The following CTNNA2 variants were observed in gnomAD, a reference collection of about 807,000 sequenced individuals.
CTNNA2 encodes catenin alpha 2, also known as catenin alpha-2.
A neutral mutation model predicts 101.0 loss-of-function variants in CTNNA2; 42 were observed. The ratio of observed to expected loss-of-function variants is 0.42; its 90% CI spans 0.32 to 0.54. The LOEUF is 0.54. Among genes scored for constraint, CTNNA2 ranks in the 20% least tolerant of loss-of-function variants. The probability of loss-of-function intolerance (pLI) is 0.14; values close to 1 mark genes in which losing one functional copy is unlikely to be tolerated. For synonymous variants in CTNNA2, 450 were observed against 456.4 expected (o/e 0.99, Z 0.18); for missense variants, 871 against 1,223.1 (o/e 0.71, Z 4.29).
In CTNNA2 at chr2:79,611,236, A is replaced by C. The variant is rs10205748; in HGVS notation, c.-5-40316A>C. On this transcript the variant is annotated intron_variant, in intron 1 of 18. Transcript: ENST00000402739. Reference sequence around the variant, plus strand: ...TATTTCTGAAATATTTTTCTTTAAAATGTTTAAAATGAATTTGGCACGCTT... The same window carrying C: ...TATTTCTGAAATATTTTTCTTTAAACTGTTTAAAATGAATTTGGCACGCTT... Among the ~76,000 whole-genome samples, 222 of 152,290 alleles carry C rather than the reference A, an allele frequency of 1.5e-3. 3 individuals carry two copies. Among genetic ancestry groups the C allele is most frequent in the African/African-American group, 5.0e-3 (208 of 41,574 alleles).
At chr2:79,690,607 A>G (rs1684225967) in intron 2 of CTNNA2, among the ~76,000 whole-genome samples, 1 of 151,942 alleles carries the variant, frequency 6.6e-6, no homozygotes, top group Non-Finnish European at 1.5e-5. Context: ...ATACGTGTGC[A>G]TGTGTCTTTA....
At chr2:79,901,020 A>G (rs935804306) in intron 6 of CTNNA2, among the ~76,000 whole-genome samples, 1 of 152,238 alleles carries the variant, frequency 6.6e-6, no homozygotes, top group Non-Finnish European at 1.5e-5. Flanking sequence ...TACAAAAGAC[A>G]GAAAGTGAAG....
chr2:80,325,024 C>T (rs116644535), intron 7 of CTNNA2, among the ~76,000 whole-genome samples: 160 of 152,310 alleles, frequency 1.1e-3, no homozygotes, highest in African/African-American at 3.7e-3. Context: ...ATTTCTCTCT[C>T]TTCCCCACTA....
chr2:79,932,931 G>A (rs1047957206), intron 7 of CTNNA2, among the ~76,000 whole-genome samples: 7 of 152,142 alleles, frequency 4.6e-5, no homozygotes, highest in African/African-American at 7.2e-5. Context: ...TGATCCTGTT[G>A]ATCCCTGTGA....
At chr2:79,213,587 G>A (rs1674205559) in intron 2 of CTNNA2, among the ~76,000 whole-genome samples, 2 of 152,096 alleles carry the variant, frequency 1.3e-5, no homozygotes, top group Non-Finnish European at 2.9e-5. Flanking sequence ...TGGTGGAACC[G>A]CCATCAATAA....
chr2:80,247,163 G>A (rs562780577), intron 7 of CTNNA2, among the ~76,000 whole-genome samples: 1 of 152,220 alleles, frequency 6.6e-6, no homozygotes, highest in African/African-American at 2.4e-5. Context: ...GATGACATTC[G>A]AAAGCTCTTC....
At chr2:79,381,770 C>G (rs898046318) in intron 4 of CTNNA2, among the ~76,000 whole-genome samples, 2 of 152,162 alleles carry the variant, frequency 1.3e-5, no homozygotes, top group African/African-American at 4.8e-5. Context: ...GATTGCTCAA[C>G]AAGCATCTCT....
chr2:80,531,038 T>C (rs1451683411), intron 9 of CTNNA2, among the ~76,000 whole-genome samples: 1 of 152,126 alleles, frequency 6.6e-6, no homozygotes, highest in African/African-American at 2.4e-5. Flanking sequence ...CATGAGGCAA[T>C]GCAGGTAATA....
At chr2:80,612,612 A>G (rs971677369) in intron 17 of CTNNA2, among the ~76,000 whole-genome samples, 14 of 151,570 alleles carry the variant, frequency 9.2e-5, no homozygotes, top group African/African-American at 3.4e-4. Flanking sequence ...TGAGATGAGA[A>G]TTACATTGTA....
chr2:80,538,623 T>C (rs1691256149), intron 9 of CTNNA2, among the ~76,000 whole-genome samples: 1 of 152,248 alleles, frequency 6.6e-6, no homozygotes, highest in South Asian at 2.1e-4. Context: ...TTTTGGTTAC[T>C]GTAACCTTGT....
At chr2:79,817,691 C>T (rs990074303) in intron 3 of CTNNA2, among the ~76,000 whole-genome samples, 12 of 152,234 alleles carry the variant, frequency 7.9e-5, no homozygotes, top group Non-Finnish European at 1.3e-4. Context: ...ATCGAGAACA[C>T]GAGAGTTGTG....
intron 9 of CTNNA2, among the ~76,000 whole-genome samples, chr2:80,507,763 C>G (rs1282532312): frequency 1.3e-5 from 2 of 152,128 alleles, no homozygotes; most frequent in Non-Finnish European, 2.9e-5. Context: ...TTACCATGCT[C>G]AATCTATTAT....
intron 7 of CTNNA2, among the ~76,000 whole-genome samples, chr2:80,263,466 A>G (rs1672769295): frequency 6.6e-6 from 1 of 151,958 alleles, no homozygotes. Context: ...TCTCGAGTAG[A>G]TGGGATTACA....
chr2:79,874,392 A>C, intron 6 of CTNNA2, 50 bp downstream of exon 6: 1 of 1,565,060 alleles, frequency 6.4e-7, no homozygotes, highest in Admixed American at 1.9e-5. Flanking sequence ...GTGTTGACAA[A>C]AAAAAAAAAT....
chr2:79,315,275 T>C (rs947188351), intron 3 of CTNNA2, among the ~76,000 whole-genome samples: 1 of 152,230 alleles, frequency 6.6e-6, no homozygotes, highest in Non-Finnish European at 1.5e-5. Flanking sequence ...TTACAACTTA[T>C]TCATTTAAAG....
At chr2:80,224,578 G>A (rs989413681) in intron 7 of CTNNA2, among the ~76,000 whole-genome samples, 1 of 152,028 alleles carries the variant, frequency 6.6e-6, no homozygotes, top group African/African-American at 2.4e-5. Flanking sequence ...CCAAGTAGCT[G>A]GGATTACATG....
At chr2:79,217,246 G>T (rs752594049) in intron 2 of CTNNA2, among the ~76,000 whole-genome samples, 1 of 152,190 alleles carries the variant, frequency 6.6e-6, no homozygotes, top group Non-Finnish European at 1.5e-5. Context: ...GGAGCAAAGA[G>T]CAGGAGGACA....
chr2:79,942,561 T>G (rs934772773), intron 7 of CTNNA2, among the ~76,000 whole-genome samples: 3 of 152,292 alleles, frequency 2.0e-5, no homozygotes, highest in African/African-American at 7.2e-5. Context: ...GGCCAGGTAC[T>G]CTGATGGTAG....
At chr2:80,350,912 A>C (rs897807605) in intron 7 of CTNNA2, among the ~76,000 whole-genome samples, 2 of 151,990 alleles carry the variant, frequency 1.3e-5, no homozygotes, top group South Asian at 2.1e-4. Context: ...TTTAGTAAAA[A>C]CTCTCATGTG....
Sources: allele counts gnomAD v4.1 joint callset (sites outside exome capture counted in the v4.1 genomes callset), GRCh38; gene constraint gnomAD v4.1.1; transcripts MANE v1.5; gene names NCBI Gene and HGNC (gene_info 2026-07-23, HGNC 2026-07-21).